PEBP4: variants seen among roughly 807,000 people sequenced by gnomAD.
PEBP4 encodes the protein phosphatidylethanolamine-binding protein 4.
PEBP4 carries 22 observed loss-of-function variants against 23.9 expected under a neutral mutation model. The ratio of observed to expected loss-of-function variants is 0.92; its 90% CI spans 0.66 to 1.31. The LOEUF (loss-of-function observed/expected upper bound fraction) is 1.31. Ranked by LOEUF, PEBP4 falls within the 40% of genes most tolerant of loss-of-function variation. The pLI, the probability that PEBP4 is intolerant of heterozygous loss-of-function variation, is 0.00. For missense variants in PEBP4, 324 were observed against 281.7 expected, an observed-to-expected ratio of 1.15 and a Z score of -1.07; for synonymous variants, 112 against 99.3, an observed-to-expected ratio of 1.13 and a Z score of -0.76.
chr8:22,903,052 G>A (rs1176238487), intron 3 of PEBP4, among the ~76,000 whole-genome samples: 1 of 152,184 alleles, frequency 6.6e-6, no homozygotes, highest in Admixed American at 6.5e-5. Context: ...GATGGCAGTG[G>A]TATTTCAGGT....
At chr8:22,803,678 A>AAAAAT (rs941178943) in intron 4 of PEBP4, among the ~76,000 whole-genome samples, 1 of 152,106 alleles carries the variant, frequency 6.6e-6, no homozygotes, top group Non-Finnish European at 1.5e-5. Context: ...ATAATAATAA[A>AAAAAT]AAAATAAAAT....
At chr8:22,940,919 G>A (rs905534642) in intron 1 of PEBP4, among the ~76,000 whole-genome samples, 2 of 152,184 alleles carry the variant, frequency 1.3e-5, no homozygotes, top group Non-Finnish European at 2.9e-5. Context: ...GAACAGTGTG[G>A]GAGCTGTTGG....
intron 4 of PEBP4, among the ~76,000 whole-genome samples, chr8:22,789,615 C>T (rs1013926949): frequency 6.6e-6 from 1 of 152,192 alleles, no homozygotes; most frequent in Non-Finnish European, 1.5e-5. Context: ...GGGCCCACTG[C>T]AGAGCTCTGG....
intron 4 of PEBP4, among the ~76,000 whole-genome samples, chr8:22,802,995 T>A (rs1274088602): frequency 6.6e-6 from 1 of 152,124 alleles, no homozygotes; most frequent in East Asian, 1.9e-4. Context: ...GTCTTCCCCA[T>A]CCTGGCCCCA....
chr8:22,763,888 G>A (rs1320521266), intron 4 of PEBP4, among the ~76,000 whole-genome samples: 3 of 152,318 alleles, frequency 2.0e-5, no homozygotes, highest in African/African-American at 7.2e-5. Context: ...GGTGGTCTCT[G>A]GATGCCAGGT....
chr8:22,822,804 A>C (rs1806889691), intron 3 of PEBP4, among the ~76,000 whole-genome samples: 1 of 152,038 alleles, frequency 6.6e-6, no homozygotes, highest in African/African-American at 2.4e-5. Flanking sequence ...AAAGAAGGAA[A>C]CTTGGATAGA....
chr8:22,873,391 G>A (rs939330425), intron 3 of PEBP4, among the ~76,000 whole-genome samples: 2 of 152,104 alleles, frequency 1.3e-5, no homozygotes, highest in Non-Finnish European at 2.9e-5. Flanking sequence ...CACTTTGGGA[G>A]CTCAAGGCGA....
At chr8:22,797,952 G>A (rs1806300052) in intron 4 of PEBP4, among the ~76,000 whole-genome samples, 1 of 152,108 alleles carries the variant, frequency 6.6e-6, no homozygotes, top group Non-Finnish European at 1.5e-5. Context: ...GGCGAGGAGA[G>A]TCTTCCCCAG....
At chr8:22,718,924 A>G (rs1280256916) in intron 6 of PEBP4, among the ~76,000 whole-genome samples, 2 of 152,004 alleles carry the variant, frequency 1.3e-5, no homozygotes, top group Non-Finnish European at 2.9e-5. Context: ...ATCCCTCTGC[A>G]GCAACATCTC....
intron 4 of PEBP4, among the ~76,000 whole-genome samples, chr8:22,728,798 A>G (rs1221840032): frequency 6.6e-6 from 1 of 152,010 alleles, no homozygotes; most frequent in African/African-American, 2.4e-5. Flanking sequence ...GGGTTTTACT[A>G]TGTTGGTCAG....
intron 3 of PEBP4, among the ~76,000 whole-genome samples, chr8:22,858,562 A>C (rs1346365307): frequency 6.6e-6 from 1 of 152,218 alleles, no homozygotes; most frequent in African/African-American, 2.4e-5. Context: ...CAATATTCTT[A>C]GAAAGCAAGA....
intron 4 of PEBP4, among the ~76,000 whole-genome samples, chr8:22,777,467 C>A (rs1281551077): frequency 6.6e-6 from 1 of 152,100 alleles, no homozygotes; most frequent in Non-Finnish European, 1.5e-5. Flanking sequence ...GGGAACGCAG[C>A]CCTGAGACCT....
intron 5 of PEBP4, 104 bp downstream of exon 5, chr8:22,727,071 C>A: frequency 7.7e-7 from 1 of 1,296,312 alleles, no homozygotes. Flanking sequence ...AGAAAACTCT[C>A]AGGCTGGTGC....
chr8:22,839,042 T>C (rs187214527), intron 3 of PEBP4, among the ~76,000 whole-genome samples: 15 of 152,270 alleles, frequency 9.9e-5, no homozygotes, highest in South Asian at 2.1e-4. Context: ...GATAGTGCTT[T>C]TATGAGAAAA....
At chr8:22,752,820 G>A (rs752040998) in intron 4 of PEBP4, among the ~76,000 whole-genome samples, 45 of 152,178 alleles carry the variant, frequency 3.0e-4, no homozygotes, top group African/African-American at 6.3e-4. Flanking sequence ...GGAAGAGGTC[G>A]TCATCTTTCT....
chr8:22,789,869 C>T lies in PEBP4; in HGVS notation c.357+27768G>A, dbSNP rs534431359. Among the ~76,000 whole-genome samples the T allele has an allele frequency of 1.3e-4, 20 of 152,340 alleles. 1 individual carries two copies. The South Asian group carries it at 3.5e-3, about 27-fold the overall frequency. On this transcript the variant is annotated intron_variant, in intron 4 of 6. Transcript: ENST00000256404. ...TCATTTTTACCGAGTTCAACATCTT[C>T]GGGGACAGGTGCAACGGGCAGATGC...
chr8:22,905,173 T>C (rs1358442629), intron 3 of PEBP4, among the ~76,000 whole-genome samples: 1 of 152,204 alleles, frequency 6.6e-6, no homozygotes, highest in Non-Finnish European at 1.5e-5. Flanking sequence ...AATAAAGTTA[T>C]ATACTATTTT....
intron 3 of PEBP4, among the ~76,000 whole-genome samples, chr8:22,897,257 G>A (rs1808606440): frequency 1.3e-5 from 2 of 152,074 alleles, no homozygotes; most frequent in African/African-American, 4.8e-5. Flanking sequence ...AGTCCCTGGG[G>A]ACAGATCACA....
intron 5 of PEBP4, 53 bp from the exon 6 acceptor site, chr8:22,725,009 G>T: frequency 6.8e-7 from 1 of 1,478,268 alleles, no homozygotes; most frequent in Non-Finnish European, 9.4e-7. Context: ...ACTACCGAGG[G>T]CAGAGCTCTC....
Sources: allele counts gnomAD v4.1 joint callset (sites outside exome capture counted in the v4.1 genomes callset), GRCh38; gene constraint gnomAD v4.1.1; transcripts MANE v1.5; gene names NCBI Gene and HGNC (gene_info 2026-07-23, HGNC 2026-07-21).